GALNT11: variants seen among roughly 807,000 people sequenced by gnomAD.
GALNT11 encodes UDP-GalNAc:polypeptide N-acetylgalactosaminyltransferase 11.
GALNT11 carries 47 observed loss-of-function variants against 72.7 expected under a neutral mutation model. That is an observed-to-expected ratio of 0.65 (90% CI 0.51 to 0.82). The LOEUF is 0.82. Ranked by LOEUF, GALNT11 falls within the 40% of genes least tolerant of loss-of-function variation. GALNT11 has a pLI of 0.00. For synonymous variants in GALNT11, 270 were observed against 286.6 expected (o/e 0.94, Z 0.58); for missense variants, 677 against 778.4 (o/e 0.87, Z 1.55).
intron 1 of GALNT11, among the ~76,000 whole-genome samples, chr7:152,053,156 G>C (rs2083480482): frequency 6.6e-6 from 1 of 152,038 alleles, no homozygotes. Flanking sequence ...ACAGCTGCTA[G>C]AATTTTCTCC....
chr7:152,119,293 C>T (rs376202603), intron 10 of GALNT11: 3 of 152,150 alleles, frequency 2.0e-5, no homozygotes, highest in Non-Finnish European at 2.9e-5. Context: ...AATATTAAAA[C>T]GGGCCTAAAA....
chr7:152,118,823 A>C (rs779101993), intron 10 of GALNT11, 41 bp downstream of exon 10: 40 of 1,540,158 alleles, frequency 2.6e-5, no homozygotes, highest in Admixed American at 1.4e-4. Flanking sequence ...GTCCGCAAGG[A>C]GGCTTCCAGT....
intron 1 of GALNT11, among the ~76,000 whole-genome samples, chr7:152,026,731 G>C (rs1435431179): frequency 6.6e-6 from 1 of 152,248 alleles, no homozygotes; most frequent in Non-Finnish European, 1.5e-5. Flanking sequence ...GAATGTAGCC[G>C]TTTGTCTCTC....
At chr7:152,068,740 CT>C (rs1237816409) in intron 1 of GALNT11, among the ~76,000 whole-genome samples, 4 of 152,006 alleles carry the variant, frequency 2.6e-5, no homozygotes, top group Non-Finnish European at 5.9e-5. Flanking sequence ...AAAGAACCAG[CT>C]TTTGGTTTTG....
intron 2 of GALNT11, among the ~76,000 whole-genome samples, chr7:152,099,476 G>A (rs1480713956): frequency 6.9e-6 from 1 of 144,470 alleles, no homozygotes; most frequent in Non-Finnish European, 1.5e-5. Context: ...AGATTCTCCT[G>A]CCTTAGCCTC....
chr7:152,077,607 A>AT (rs1438608895), intron 1 of GALNT11, among the ~76,000 whole-genome samples: 1 of 152,180 alleles, frequency 6.6e-6, no homozygotes. Context: ...TAAATCTCAA[A>AT]TGGTGAAATG....
intron 2 of GALNT11, among the ~76,000 whole-genome samples, chr7:152,098,376 G>T (rs944816752): frequency 3.9e-5 from 6 of 152,072 alleles, no homozygotes; most frequent in African/African-American, 1.4e-4. Context: ...AGTGAGCCGA[G>T]ATTGCACTAC....
At chr7:152,093,685 T>A (rs1172238225) in intron 1 of GALNT11, among the ~76,000 whole-genome samples, 1 of 152,098 alleles carries the variant, frequency 6.6e-6, no homozygotes, top group Non-Finnish European at 1.5e-5. Flanking sequence ...CACCTCAGCC[T>A]CCCAAAGTGC....
chr7:152,092,152 G>C (rs1284721419), intron 1 of GALNT11, among the ~76,000 whole-genome samples: 4 of 152,138 alleles, frequency 2.6e-5, no homozygotes, highest in African/African-American at 9.7e-5. Flanking sequence ...AAGAAGCAGT[G>C]CTTTTGTTTT....
chr7:152,055,162 TTTTAA>T (rs571280048), intron 1 of GALNT11, among the ~76,000 whole-genome samples: 114 of 152,310 alleles, frequency 7.5e-4, no homozygotes, highest in Middle Eastern at 3.4e-3. Flanking sequence ...AATGGCTTCA[TTTTAA>T]TTTAACTATT....
chr7:152,105,357 G>A lies in GALNT11; in HGVS notation c.699G>A (p.Ala233=), dbSNP rs540254238. Residue 233 remains alanine (A), a synonymous_variant, in exon 5 of 12, where the codon GCG becomes GCA. Transcript: ENST00000430044. ...EGLIRGRMIG[A]AHATGEVLVF... ...TGATTCGAGGGAGAATGATTGGCGC[G>A]GCCCACGCGACAGGTATCACTTCTC... The A allele has an allele frequency of 1.9e-5, 30 of 1,612,858 alleles. No homozygotes were observed. In the South Asian group the frequency reaches 2.1e-4, roughly 11 times the overall value.
At chr7:152,028,397 T>G (rs951463652) in intron 1 of GALNT11, among the ~76,000 whole-genome samples, 1 of 152,200 alleles carries the variant, frequency 6.6e-6, no homozygotes, top group East Asian at 1.9e-4. Flanking sequence ...AGAGCGCTGA[T>G]TGGTGCATTT....
Position 152,060,564 on chromosome 7 carries a change from G to A in GALNT11, c.-38-33626G>A, listed in dbSNP as rs144034483. On this transcript the variant is annotated intron_variant, in intron 1 of 11. Coordinates refer to ENST00000430044, the MANE Select transcript of GALNT11 (RefSeq NM_022087.4). ...ATATGTATACATGGGCCATGTTGGT[G>A]TGCTGCACTCATTAACTCGTCATTT... Among the ~76,000 whole-genome samples the A allele has an allele frequency of 7.7e-3, 1,171 of 151,986 alleles. 4 individuals are homozygous for A. The highest frequency in any genetic ancestry group is 0.011 in the Non-Finnish European group (755 of 67,988).
chr7:152,100,980 T>C, intron 3 of GALNT11, 59 bp downstream of exon 3: 3 of 1,592,448 alleles, frequency 1.9e-6, no homozygotes, highest in Non-Finnish European at 1.7e-6. Flanking sequence ...TTAGTGTCAG[T>C]GTAAGAGGTC....
In GALNT11 at chr7:152,117,377, T is replaced by C. The variant is rs948446578; in HGVS notation, c.1452+2T>C. ...CCCAAAGTCCTTCAACGTGGAAGGGTAAGAAAGCTGTTTTTTCCAAGTGGC... is the reference window on the plus strand; with the variant it reads ...CCCAAAGTCCTTCAACGTGGAAGGGCAAGAAAGCTGTTTTTTCCAAGTGGC... On this transcript the variant is annotated splice_donor_variant, in intron 9 of 11. Coordinates refer to ENST00000430044, the MANE Select transcript of GALNT11 (RefSeq NM_022087.4). LOFTEE classifies it high-confidence loss of function. The C allele has an allele frequency of 2.5e-6, 4 of 1,613,452 alleles. No homozygotes were observed. Among genetic ancestry groups the C allele is most frequent in the Non-Finnish European group, 3.4e-6 (4 of 1,179,848 alleles).
chr7:152,053,271 A>C (rs1215370516), intron 1 of GALNT11, among the ~76,000 whole-genome samples: 1 of 152,126 alleles, frequency 6.6e-6, no homozygotes, highest in Non-Finnish European at 1.5e-5. Context: ...ATAATTAATT[A>C]CCTTCCAGTA....
chr7:152,064,341 A>G (rs2084188349), intron 1 of GALNT11, among the ~76,000 whole-genome samples: 1 of 152,260 alleles, frequency 6.6e-6, no homozygotes, highest in South Asian at 2.1e-4. Context: ...TTTTGAGCCT[A>G]TGTGTGTCTC....
intron 2 of GALNT11, among the ~76,000 whole-genome samples, chr7:152,097,845 G>T (rs766712655): frequency 2.0e-5 from 3 of 152,204 alleles, no homozygotes; most frequent in Non-Finnish European, 4.4e-5. Context: ...AGGGACTGGG[G>T]AATGGGAGGA....
intron 10 of GALNT11, 112 bp from the exon 11 acceptor site, chr7:152,120,719 T>G (rs1029595681): frequency 3.3e-6 from 3 of 908,262 alleles, no homozygotes; most frequent in Admixed American, 4.2e-5. Context: ...GTCTAGTGCA[T>G]TGGTCTGTTT....
Sources: gnomAD v4.1 joint callset for allele counts (sites outside exome capture counted in the v4.1 genomes callset) on GRCh38, gnomAD v4.1.1 for gene constraint, MANE v1.5 for transcripts, NCBI Gene and HGNC (gene_info 2026-07-23, HGNC 2026-07-21) for gene names.